The following CTNNA3 variants were observed in gnomAD, a reference collection of about 807,000 sequenced individuals.
The protein encoded by CTNNA3 is catenin alpha 3.
A neutral mutation model predicts 95.7 loss-of-function variants in CTNNA3; 76 were observed. The ratio of observed to expected loss-of-function variants is 0.79; its 90% CI spans 0.66 to 0.96. The LOEUF (loss-of-function observed/expected upper bound fraction) is 0.96. Ranked by LOEUF, CTNNA3 falls within the 40% of genes least tolerant of loss-of-function variation. CTNNA3 has a pLI of 0.00. For missense variants in CTNNA3, 1,191 were observed against 1,089.8 expected, an observed-to-expected ratio of 1.09 and a Z score of -1.31; for synonymous variants, 431 against 374.4, an observed-to-expected ratio of 1.15 and a Z score of -1.74.
At chr10:66,833,997 G>A (rs1842812287) in intron 7 of CTNNA3, among the ~76,000 whole-genome samples, 1 of 152,116 alleles carries the variant, frequency 6.6e-6, no homozygotes, top group Non-Finnish European at 1.5e-5. Flanking sequence ...ATGTTATTGG[G>A]AAGGTACCTT....
chr10:67,556,849 G>A (rs918972211), intron 3 of CTNNA3, among the ~76,000 whole-genome samples: 7 of 151,874 alleles, frequency 4.6e-5, no homozygotes, highest in African/African-American at 7.3e-5. Flanking sequence ...GTGATGTTAG[G>A]GTGTCAATTT....
intron 7 of CTNNA3, among the ~76,000 whole-genome samples, chr10:66,863,216 CACAT>C (rs1844020259): frequency 1.3e-5 from 2 of 151,480 alleles, no homozygotes; most frequent in Non-Finnish European, 2.9e-5. Flanking sequence ...CACACGCACA[CACAT>C]ATATATATAT....
At chr10:66,949,112 T>C (rs936513431) in intron 7 of CTNNA3, among the ~76,000 whole-genome samples, 2 of 152,204 alleles carry the variant, frequency 1.3e-5, no homozygotes, top group Non-Finnish European at 2.9e-5. Flanking sequence ...ATTCCTAAAG[T>C]ATTCAATGGA....
At chr10:66,381,902 T>G (rs1481834595) in intron 11 of CTNNA3, among the ~76,000 whole-genome samples, 2 of 152,076 alleles carry the variant, frequency 1.3e-5, no homozygotes, top group African/African-American at 4.8e-5. Context: ...AATCATCAAT[T>G]TTTAAGAAGT....
intron 12 of CTNNA3, among the ~76,000 whole-genome samples, chr10:66,360,619 C>CTT (rs1196937031): frequency 8.6e-4 from 28 of 32,566 alleles, no homozygotes; most frequent in Non-Finnish European, 1.7e-3. Context: ...TTCTTTCTTT[C>CTT]TTTCTTTCTT....
In CTNNA3 at chr10:66,336,000, G is replaced by A. The variant is rs895362265; in HGVS notation, c.1732+43152C>T. 7.9e-5 allele frequency among the ~76,000 whole-genome samples: 12 copies of A among 152,054 alleles called. No individual in the cohort carries two copies. The South Asian group carries it at 1.7e-3, about 21-fold the overall frequency. ...TCAGCCTGCTGTGCTAGCAATGAGC[G>A]AGGCTCCGTGCTTGTAGGACCCTCC... On this transcript the variant is annotated intron_variant, in intron 12 of 17. Transcript: ENST00000433211.
chr10:67,217,772 T>G (rs1433557354), intron 6 of CTNNA3, among the ~76,000 whole-genome samples: 3 of 152,116 alleles, frequency 2.0e-5, no homozygotes, highest in Non-Finnish European at 4.4e-5. Flanking sequence ...GAGCATTCTC[T>G]GACACAATTG....
intron 5 of CTNNA3, among the ~76,000 whole-genome samples, chr10:67,236,506 T>C (rs1865463173): frequency 9.4e-6 from 1 of 106,472 alleles, no homozygotes; most frequent in African/African-American, 3.5e-5. Context: ...CTCTGGGGAC[T>C]GTTGTGGGGT....
intron 5 of CTNNA3, among the ~76,000 whole-genome samples, chr10:67,354,478 T>C (rs1842741016): frequency 6.6e-6 from 1 of 152,060 alleles, no homozygotes; most frequent in African/African-American, 2.4e-5. Context: ...TTTTTTATTT[T>C]TTAAAGAGGA....
intron 14 of CTNNA3, chr10:66,079,127 T>G (rs149215946): frequency 6.6e-6 from 1 of 152,114 alleles, no homozygotes; most frequent in East Asian, 1.9e-4. Flanking sequence ...TTCATCCTAT[T>G]ATTGTATTAT....
intron 15 of CTNNA3, among the ~76,000 whole-genome samples, chr10:66,043,697 C>T (rs2079756712): frequency 6.6e-6 from 1 of 152,088 alleles, no homozygotes; most frequent in African/African-American, 2.4e-5. Flanking sequence ...CTCAGTATTC[C>T]ATTACAAATC....
intron 9 of CTNNA3, among the ~76,000 whole-genome samples, chr10:66,760,405 G>C (rs1384553338): frequency 1.3e-5 from 2 of 152,138 alleles, no homozygotes; most frequent in Non-Finnish European, 2.9e-5. Context: ...TGGAACACAG[G>C]AATGAGCACT....
intron 1 of CTNNA3, among the ~76,000 whole-genome samples, chr10:67,710,133 G>C (rs368475025): frequency 1.2e-4 from 19 of 152,182 alleles, no homozygotes; most frequent in African/African-American, 4.3e-4. Flanking sequence ...AGGAAGAGGA[G>C]GGGGACAGAG....
At chr10:66,617,017 C>G (rs931652374) in intron 10 of CTNNA3, among the ~76,000 whole-genome samples, 3 of 151,916 alleles carry the variant, frequency 2.0e-5, no homozygotes, top group African/African-American at 7.3e-5. Context: ...GATTTATACA[C>G]TGAACAAATA....
intron 9 of CTNNA3, among the ~76,000 whole-genome samples, chr10:66,711,934 T>TA (rs1388691472): frequency 6.6e-6 from 1 of 152,172 alleles, no homozygotes; most frequent in African/African-American, 2.4e-5. Flanking sequence ...CTGAAGTTTT[T>TA]ACTCTTTCTT....
chr10:66,955,549 C>T (rs191647712), intron 7 of CTNNA3, among the ~76,000 whole-genome samples: 2 of 152,236 alleles, frequency 1.3e-5, no homozygotes, highest in East Asian at 3.9e-4. Flanking sequence ...ACATTAATTC[C>T]AGTTTTCCTC....
intron 5 of CTNNA3, among the ~76,000 whole-genome samples, chr10:67,306,255 G>T (rs1840549644): frequency 6.6e-6 from 1 of 152,136 alleles, no homozygotes; most frequent in South Asian, 2.1e-4. Context: ...GCTAATAAAA[G>T]ATAAAGTTTG....
intron 7 of CTNNA3, among the ~76,000 whole-genome samples, chr10:67,137,171 T>G (rs1299778215): frequency 1.3e-5 from 2 of 152,120 alleles, no homozygotes; most frequent in African/African-American, 4.8e-5. Context: ...TGAATGGCAT[T>G]TGGCAGAGAT....
intron 11 of CTNNA3, among the ~76,000 whole-genome samples, chr10:66,380,619 ATC>A (rs1164784695): frequency 0.051 from 6,222 of 120,978 alleles, 422 homozygotes; most frequent in African/African-American, 0.2. Flanking sequence ...CTATCTATCT[ATC>A]TATCTATATA....
Sources: gnomAD v4.1 joint callset for allele counts (sites outside exome capture counted in the v4.1 genomes callset) on GRCh38, gnomAD v4.1.1 for gene constraint, MANE v1.5 for transcripts, NCBI Gene and HGNC (gene_info 2026-07-23, HGNC 2026-07-21) for gene names.